The following TBP variants were observed in gnomAD, a reference collection of about 807,000 sequenced individuals.
TBP encodes TATA-box binding protein.
Under a neutral mutation model 46.2 loss-of-function variants are expected in TBP, and 12 were observed. That is an observed-to-expected ratio of 0.26 (90% CI 0.17 to 0.42). The LOEUF (loss-of-function observed/expected upper bound fraction) is 0.42, where lower values mean the gene tolerates loss of function less well. Among genes scored for constraint, TBP ranks in the 10% least tolerant of loss-of-function variants. The pLI, the probability that TBP is intolerant of heterozygous loss-of-function variation, is 1.00. For missense variants in TBP, 229 were observed against 403.1 expected (o/e 0.57, Z 3.70); for synonymous variants, 157 against 148.3 (o/e 1.06, Z -0.42).
chr6:170,569,906 A>C, intron 6 of TBP, 127 bp downstream of exon 6: 1 of 858,266 alleles, frequency 1.2e-6, no homozygotes, highest in Non-Finnish European at 1.7e-6. Context: ...AGTTGTATGT[A>C]TTCTTGCATT....
rs775653922 is a variant in TBP, at chr6:170,557,009, G to A, written c.-21G>A. On this transcript the variant is annotated 5_prime_UTR_variant, in exon 2 of 8. Transcript: ENST00000392092. Reference sequence around the variant, plus strand: ...GTTCCAGCGCAAGGGTTTCTGGTTTGCCAAGAAGAAAGTGAACATCATGGA... The same window carrying A: ...GTTCCAGCGCAAGGGTTTCTGGTTTACCAAGAAGAAAGTGAACATCATGGA... The A allele has an allele frequency of 1.9e-6, 3 of 1,613,652 alleles. No individual in the cohort carries two copies. The highest frequency in any genetic ancestry group is 1.7e-6 in the Non-Finnish European group (2 of 1,179,770).
In TBP at chr6:170,561,955, GCAA is replaced by G. The variant is rs1562359513; in HGVS notation, c.222_224del (p.Gln95del). ...AGCAGCAGCAGCAGCAGCAGCAACA[GCAA>G]CAGCAGCAGCAGCAGCAGCAGCAGC... On this transcript the variant is annotated inframe_deletion, in exon 3 of 8. Coordinates refer to ENST00000392092, the MANE Select transcript of TBP (RefSeq NM_003194.5). The G allele has an allele frequency of 7.7e-5, 115 of 1,485,806 alleles. No individual in the cohort carries two copies. The highest frequency in any genetic ancestry group is 1.3e-4 in the South Asian group (11 of 84,824). The allele number at this position is 1,485,806 out of a possible 1,614,324, so 92.0% of individuals were successfully genotyped here.
chr6:170,570,407 A>G (rs1363096796), intron 6 of TBP, among the ~76,000 whole-genome samples: 1 of 152,180 alleles, frequency 6.6e-6, no homozygotes, highest in Non-Finnish European at 1.5e-5. Context: ...CTTGAGTTCC[A>G]TATGTCTACC....
At chr6:170,555,270 A>G (rs1366152695) in intron 1 of TBP, among the ~76,000 whole-genome samples, 1 of 152,216 alleles carries the variant, frequency 6.6e-6, no homozygotes, top group African/African-American at 2.4e-5. Context: ...TGCCGTCATT[A>G]TCTCTTGCCT....
intron 2 of TBP, among the ~76,000 whole-genome samples, chr6:170,559,502 C>T (rs959050564): frequency 1.3e-5 from 2 of 152,158 alleles, no homozygotes; most frequent in African/African-American, 4.8e-5. Flanking sequence ...CCACACATCC[C>T]CTTAAGCCAA....
At position 170,569,740 on chromosome 6, in the gene TBP, G is replaced by A; in HGVS notation, c.806G>A (p.Arg269Lys). The change falls in exon 6 of 8, where the codon AGG becomes AAG. Residue 269 changes from arginine to lysine, a missense_variant. Arg to Lys is a conservative substitution (Grantham distance 26, BLOSUM62 2). Coordinates refer to ENST00000392092, the MANE Select transcript of TBP (RefSeq NM_003194.5). ...VGSCDVKFPI[R>K]LEGLVLTHQQ... ...AGCTGTGATGTGAAGTTTCCTATAA[G>A]GTTAGAAGGCCTTGTGCTCACCCAC... is the stretch of plus-strand genomic sequence containing the variant. 1.2e-6 allele frequency: 2 copies of A among 1,614,024 alleles called. No individual in the cohort carries two copies. Among genetic ancestry groups the A allele is most frequent in the Non-Finnish European group, 1.7e-6 (2 of 1,180,000 alleles).
chr6:170,558,753 GT>G (rs1490276263), intron 2 of TBP, among the ~76,000 whole-genome samples: 49 of 149,608 alleles, frequency 3.3e-4, no homozygotes, highest in African/African-American at 1.1e-3. Flanking sequence ...GAGTGCAGTG[GT>G]GCAGTCTTGG....
chr6:170,564,020 A>G (rs959307339), intron 3 of TBP, among the ~76,000 whole-genome samples: 1 of 151,980 alleles, frequency 6.6e-6, no homozygotes. Flanking sequence ...TAGAAGAGAA[A>G]GCAGGGTTTT....
In TBP at chr6:170,572,774, ATG is replaced by A. The variant is rs1296350074; in HGVS notation, c.*513_*514del. 1.3e-5 allele frequency: 2 copies of A among 154,178 alleles called. No individual in the cohort carries two copies. The highest frequency in any genetic ancestry group is 1.9e-4 in the East Asian group (1 of 5,218). The allele number at this position is 154,178 out of a possible 1,614,324, so 9.6% of individuals were successfully genotyped here. On this transcript the variant is annotated 3_prime_UTR_variant, in exon 8 of 8. Coordinates refer to ENST00000392092, the MANE Select transcript of TBP (RefSeq NM_003194.5). Reference sequence around the variant, plus strand: ...TCTCCAGTATTGCAGGACAGAATATATGTGTTAATGAAAATGAATGGCTGTAC... The same window carrying A: ...TCTCCAGTATTGCAGGACAGAATATATGTTAATGAAAATGAATGGCTGTAC...
intron 5 of TBP, among the ~76,000 whole-genome samples, chr6:170,568,952 G>T (rs973074993): frequency 1.3e-5 from 2 of 148,718 alleles, no homozygotes; most frequent in Non-Finnish European, 3.0e-5. Flanking sequence ...AGCTGGGATT[G>T]CAGGTGCCTG....
chr6:170,564,499 C>T (rs777381416), intron 3 of TBP, 46 bp from the exon 4 acceptor site: 2 of 1,391,540 alleles, frequency 1.4e-6, no homozygotes, highest in South Asian at 2.5e-5. Flanking sequence ...TCCAATGAAA[C>T]TTAAGTAATT....
chr6:170,559,735 A>G (rs1779106946), intron 2 of TBP, among the ~76,000 whole-genome samples: 1 of 152,246 alleles, frequency 6.6e-6, no homozygotes, highest in African/African-American at 2.4e-5. Context: ...TAGATTTTTA[A>G]TGTAGATGAA....
In TBP at chr6:170,568,772, C is replaced by CT. The variant is rs1472780766; in HGVS notation, c.678-836dup. ...CCGACCTGCCTGCCTGCCTTTTTCTCTTTTATTTTTTCTTTTTTTCTCTTC... is the reference window on the plus strand; with the variant it reads ...CCGACCTGCCTGCCTGCCTTTTTCTCTTTTTATTTTTTCTTTTTTTCTCTTC... On this transcript the variant is annotated intron_variant, in intron 5 of 7. Transcript: ENST00000392092. 3.1e-5 allele frequency among the ~76,000 whole-genome samples: 3 copies of CT among 97,808 alleles called. No homozygotes were observed. In the East Asian group the frequency reaches 1.1e-3, roughly 34 times the overall value. The allele number at this position is 97,808 out of a possible 152,430, so 64.2% of individuals were successfully genotyped here.
chr6:170,566,140 G>A (rs1209553736), intron 4 of TBP, among the ~76,000 whole-genome samples: 8 of 152,060 alleles, frequency 5.3e-5, no homozygotes, highest in South Asian at 4.1e-4. Flanking sequence ...TCAAAGAGTC[G>A]TCTTAATTAG....
At chr6:170,565,418 G>A (rs1230285147) in intron 4 of TBP, among the ~76,000 whole-genome samples, 6 of 152,152 alleles carry the variant, frequency 3.9e-5, no homozygotes, top group East Asian at 1.9e-4. Flanking sequence ...ACATTAGCTG[G>A]GTTGAGAGAA....
chr6:170,560,136 C>T (rs1316618017), intron 2 of TBP, among the ~76,000 whole-genome samples: 1 of 152,152 alleles, frequency 6.6e-6, no homozygotes. Context: ...GTTTTCATGC[C>T]TGCTTAAATA....
chr6:170,569,591 T>G, intron 5 of TBP, 21 bp from the exon 6 acceptor site: 1 of 1,606,180 alleles, frequency 6.2e-7, no homozygotes, highest in East Asian at 2.2e-5. Flanking sequence ...TATGAATAAC[T>G]CACTTTTTTC....
At chr6:170,569,059 C>T (rs12664331) in intron 5 of TBP, among the ~76,000 whole-genome samples, 12 of 151,560 alleles carry the variant, frequency 7.9e-5, no homozygotes, top group Non-Finnish European at 1.5e-4. Flanking sequence ...GTGAGCTATC[C>T]GCCTTGGCCT....
In TBP at chr6:170,561,937, G is replaced by T. The variant is rs563388884; in HGVS notation, c.201G>T (p.Gln67His). Residue 67 changes from glutamine (Q) to histidine (H), a missense_variant, in exon 3 of 8, where the codon CAG (glutamine) becomes CAT (histidine). Transcript: ENST00000392092. ...RQQQQQQQQQQQQQQQQQQQQ... is the reference protein window; with the variant it reads ...RQQQQQQQQQHQQQQQQQQQQ... ...AGCAGCAACAACAACAGCAGCAGCA[G>T]CAGCAGCAGCAGCAACAGCAACAGC... 6.3e-7 allele frequency: 1 copy of T among 1,580,484 alleles called. No homozygotes were observed. The highest frequency in any genetic ancestry group is 2.3e-5 in the East Asian group (1 of 43,900).
Sources: allele counts gnomAD v4.1 joint callset (sites outside exome capture counted in the v4.1 genomes callset), GRCh38; gene constraint gnomAD v4.1.1; transcripts MANE v1.5; gene names NCBI Gene and HGNC (gene_info 2026-07-23, HGNC 2026-07-21).